MSI2: variants seen among roughly 807,000 people sequenced by gnomAD.
The protein encoded by MSI2 is musashi RNA binding protein 2, also known as RNA-binding protein Musashi homolog 2.
In MSI2, 17 loss-of-function variants were observed where a neutral mutation model predicts 45.6. The ratio of observed to expected loss-of-function variants is 0.37; its 90% confidence interval spans 0.26 to 0.56. The LOEUF is 0.56. MSI2 is among the 20% of genes least tolerant of loss of function. The pLI is 0.77. For missense variants in MSI2, 293 were observed against 444.2 expected, an observed-to-expected ratio of 0.66 and a Z score of 3.06; for synonymous variants, 156 against 158.2, an observed-to-expected ratio of 0.99 and a Z score of 0.11.
Position 57,680,377 on chromosome 17 carries a change from A to C in MSI2, c.*860A>C, listed in dbSNP as rs985970649. ...AATACAATTCCATTAACTACATAGAAACTATTAAGAAAGAGAGAATCAAAA... is the reference window on the plus strand; with the variant it reads ...AATACAATTCCATTAACTACATAGACACTATTAAGAAAGAGAGAATCAAAA... On this transcript the variant is annotated 3_prime_UTR_variant, in exon 14 of 14. Transcript: ENST00000284073. 8.8e-6 allele frequency: 2 copies of C among 226,932 alleles called. No individual in the cohort carries two copies. The highest frequency in any genetic ancestry group is 1.8e-5 in the Non-Finnish European group (2 of 114,212). 14.1% of individuals were successfully genotyped at this position (226,932 alleles called of 1,614,324 possible).
intron 5 of MSI2, among the ~76,000 whole-genome samples, chr17:57,370,263 G>A (rs1429939012): frequency 3.3e-5 from 5 of 152,172 alleles, no homozygotes; most frequent in South Asian, 2.1e-4. Flanking sequence ...GTTTTTAATC[G>A]AAATATCTTA....
At chr17:57,331,196 G>A (rs953087543) in intron 5 of MSI2, among the ~76,000 whole-genome samples, 2 of 152,204 alleles carry the variant, frequency 1.3e-5, no homozygotes, top group African/African-American at 4.8e-5. Context: ...TTACAGGCGT[G>A]AGCCACTGCG....
intron 5 of MSI2, among the ~76,000 whole-genome samples, chr17:57,303,878 G>A (rs1473455334): frequency 6.6e-6 from 1 of 152,198 alleles, no homozygotes; most frequent in East Asian, 1.9e-4. Context: ...GTAGAAAACA[G>A]TACAGGCTCT....
intron 6 of MSI2, among the ~76,000 whole-genome samples, chr17:57,478,635 G>T (rs1481470842): frequency 6.6e-6 from 1 of 152,138 alleles, no homozygotes; most frequent in African/African-American, 2.4e-5. Flanking sequence ...CCAGAGATAT[G>T]ACGAAGGCCA....
rs1447551752 is a variant in MSI2 at position 57,358,196 on chromosome 17, TGTGGGGGG to T, written c.313-43179_313-43172del. ...AGATCTTCGTGGGTTTTTCTGTGTG[TGTGGGGGG>T]GTGTGTGTGTGTGTGTGTGTGTGTT... On this transcript the variant is annotated intron_variant, in intron 5 of 13. Coordinates refer to ENST00000284073, the MANE Select transcript of MSI2 (RefSeq NM_138962.4). 1.0e-4 allele frequency among the ~76,000 whole-genome samples: 7 copies of T among 70,168 alleles called. No homozygotes were observed. In the South Asian group the frequency reaches 2.8e-3, roughly 28 times the overall value. The allele number at this position is 70,168 out of a possible 152,430, so 46.0% of individuals were successfully genotyped here. A position where few individuals can be genotyped will look rare whatever the true frequency, so the allele number is the denominator to read the frequency against.
intron 6 of MSI2, among the ~76,000 whole-genome samples, chr17:57,519,157 G>A (rs1014978041): frequency 4.6e-5 from 7 of 152,142 alleles, no homozygotes; most frequent in African/African-American, 1.7e-4. Flanking sequence ...TCCCCCAAGG[G>A]CACACTGGTT....
chr17:57,622,851 G>A (rs1908445231), intron 9 of MSI2, among the ~76,000 whole-genome samples: 2 of 152,156 alleles, frequency 1.3e-5, no homozygotes, highest in Non-Finnish European at 2.9e-5. Flanking sequence ...CCGCTTCCTG[G>A]TGGACAGAGG....
chr17:57,645,161 A>G (rs1388454610), intron 10 of MSI2, among the ~76,000 whole-genome samples: 1 of 152,038 alleles, frequency 6.6e-6, no homozygotes, highest in Non-Finnish European at 1.5e-5. Context: ...CCTTTAAAAG[A>G]CACAGAGACC....
intron 6 of MSI2, among the ~76,000 whole-genome samples, chr17:57,440,290 C>T (rs897043793): frequency 6.6e-6 from 1 of 152,096 alleles, no homozygotes; most frequent in Non-Finnish European, 1.5e-5. Flanking sequence ...GCCCCTCATT[C>T]CCTTTGAAAT....
chr17:57,257,038 A>G (rs1038296827), intron 1 of MSI2, 60 bp from the exon 2 acceptor site: 2 of 1,481,146 alleles, frequency 1.4e-6, no homozygotes, highest in Non-Finnish European at 1.8e-6. Flanking sequence ...TTTGTAAGTT[A>G]CACGTCAAAA....
At chr17:57,619,626 C>T (rs1908093706) in intron 9 of MSI2, among the ~76,000 whole-genome samples, 1 of 152,178 alleles carries the variant, frequency 6.6e-6, no homozygotes, top group Admixed American at 6.5e-5. Flanking sequence ...GAGAGGCAGG[C>T]CCAGGGGCTC....
intron 5 of MSI2, among the ~76,000 whole-genome samples, chr17:57,365,522 G>T (rs1036977798): frequency 1.3e-5 from 2 of 152,164 alleles, no homozygotes; most frequent in Non-Finnish European, 1.5e-5. Context: ...GTTGGGATGG[G>T]TGTTCTGCAG....
At chr17:57,565,366 C>T (rs2087703495) in intron 7 of MSI2, among the ~76,000 whole-genome samples, 1 of 152,212 alleles carries the variant, frequency 6.6e-6, no homozygotes, top group South Asian at 2.1e-4. Flanking sequence ...CTGATCCTGC[C>T]TGTAGTTTCT....
intron 6 of MSI2, among the ~76,000 whole-genome samples, chr17:57,438,965 A>C (rs1367292137): frequency 2.0e-5 from 3 of 152,048 alleles, no homozygotes; most frequent in Non-Finnish European, 4.4e-5. Context: ...ACGCCCGGCT[A>C]TTTGTTTTGC....
At chr17:57,305,773 CA>C (rs1911829249) in intron 5 of MSI2, among the ~76,000 whole-genome samples, 1 of 152,136 alleles carries the variant, frequency 6.6e-6, no homozygotes, top group African/African-American at 2.4e-5. Flanking sequence ...CCTTCTCTGC[CA>C]TTGAGTTGGC....
intron 13 of MSI2, 116 bp downstream of exon 13, chr17:57,677,175 T>C: frequency 1.4e-6 from 1 of 735,810 alleles, no homozygotes; most frequent in Non-Finnish European, 2.4e-6. Flanking sequence ...CTCTCTCTCC[T>C]CTTTCTGGAC....
At chr17:57,644,881 A>C (rs779217529) in intron 10 of MSI2, among the ~76,000 whole-genome samples, 1 of 152,146 alleles carries the variant, frequency 6.6e-6, no homozygotes, top group African/African-American at 2.4e-5. Context: ...CCTTTGAGAG[A>C]GGCACAGAGG....
chr17:57,410,523 A>G (rs1269829231), intron 6 of MSI2, among the ~76,000 whole-genome samples: 1 of 152,130 alleles, frequency 6.6e-6, no homozygotes, highest in African/African-American at 2.4e-5. Context: ...TTGAAAAAAA[A>G]AATTCTGCCC....
At chr17:57,272,600 T>C (rs1232467540) in intron 5 of MSI2, among the ~76,000 whole-genome samples, 1 of 152,236 alleles carries the variant, frequency 6.6e-6, no homozygotes, top group African/African-American at 2.4e-5. Flanking sequence ...CATGTTGCTC[T>C]TGTGCAAGAA....
Sources: gnomAD v4.1 joint callset for allele counts (sites outside exome capture counted in the v4.1 genomes callset) on GRCh38, gnomAD v4.1.1 for gene constraint, MANE v1.5 for transcripts, NCBI Gene and HGNC (gene_info 2026-07-23, HGNC 2026-07-21) for gene names.